Variants in PTPRD observed in about 807,000 individuals in gnomAD.
PTPRD encodes protein tyrosine phosphatase receptor type D.
Under a neutral mutation model 214.5 loss-of-function variants are expected in PTPRD, and 34 were observed. That is an observed-to-expected ratio of 0.16 (90% CI 0.12 to 0.21). The LOEUF is 0.21. PTPRD is among the 10% of genes least tolerant of loss of function. The pLI is 1.00. For missense variants in PTPRD, 2,545 were observed against 2,398.7 expected (o/e 1.06, Z -1.27); for synonymous variants, 1,128 against 845.7 (o/e 1.33, Z -5.79).
At chr9:8,527,452 T>C (rs1425701838) in intron 15 of PTPRD, 99 bp from the exon 16 acceptor site, 6 of 1,006,394 alleles carry the variant, frequency 6.0e-6, no homozygotes, top group Middle Eastern at 3.2e-4. Context: ...CTTTATATAC[T>C]AAATCATCTA....
intron 11 of PTPRD, among the ~76,000 whole-genome samples, chr9:8,995,384 T>C (rs924017929): frequency 2.0e-5 from 3 of 152,088 alleles, no homozygotes; most frequent in Non-Finnish European, 4.4e-5. Flanking sequence ...TCCAAGTTGA[T>C]ATTAAGAATA....
chr9:10,406,499 A>C (rs1004514554), intron 2 of PTPRD, among the ~76,000 whole-genome samples: 1 of 151,534 alleles, frequency 6.6e-6, no homozygotes, highest in Admixed American at 6.6e-5. Context: ...CTGACTTTGG[A>C]AATTAGAAAA....
intron 6 of PTPRD, among the ~76,000 whole-genome samples, chr9:9,742,443 A>G (rs1320975058): frequency 6.6e-6 from 1 of 152,208 alleles, no homozygotes; most frequent in East Asian, 1.9e-4. Flanking sequence ...ATAAATGGTA[A>G]TTTATAGAAA....
At chr9:9,260,463 A>G (rs2099979596) in intron 9 of PTPRD, among the ~76,000 whole-genome samples, 1 of 151,918 alleles carries the variant, frequency 6.6e-6, no homozygotes, top group African/African-American at 2.4e-5. Context: ...GTTTTCGCCA[A>G]TATATGTACA....
chr9:9,281,212 A>C (rs896247658), intron 9 of PTPRD, among the ~76,000 whole-genome samples: 8 of 151,268 alleles, frequency 5.3e-5, no homozygotes, highest in African/African-American at 1.9e-4. Flanking sequence ...ATGGCTTTTT[A>C]TATACATTAA....
intron 8 of PTPRD, among the ~76,000 whole-genome samples, chr9:9,495,831 C>A (rs1003049441): frequency 2.6e-5 from 4 of 152,174 alleles, no homozygotes; most frequent in African/African-American, 9.7e-5. Context: ...GGGCAGCCAC[C>A]CCACGTGATG....
chr9:9,518,533 G>C lies in PTPRD; in HGVS notation c.-237+56199C>G, dbSNP rs866999210. On this transcript the variant is annotated intron_variant, in intron 8 of 45. Transcript: ENST00000381196. ...AGGCATAATAGGGTAGGTCAATGCAGAAATTGATATTCTGGCAATGTAGTT... is the reference window on the plus strand; with the variant it reads ...AGGCATAATAGGGTAGGTCAATGCACAAATTGATATTCTGGCAATGTAGTT... Among the ~76,000 whole-genome samples, 4 of 152,010 alleles carry C rather than the reference G, an allele frequency of 2.6e-5. No individual in the cohort carries two copies. The South Asian group carries it at 6.2e-4, about 24-fold the overall frequency.
chr9:10,136,656 C>T (rs565925802), intron 3 of PTPRD, among the ~76,000 whole-genome samples: 8 of 84,900 alleles, frequency 9.4e-5, no homozygotes, highest in South Asian at 5.7e-4. Flanking sequence ...ACTTCATGTC[C>T]AAAACACCAA....
chr9:9,040,579 AT>A (rs34499487), intron 10 of PTPRD, among the ~76,000 whole-genome samples: 97,312 of 151,614 alleles, frequency 0.64, 31,299 homozygotes, highest in Admixed American at 0.7. Flanking sequence ...TTCCCGAAGA[AT>A]TTTTTTTTTC....
intron 8 of PTPRD, among the ~76,000 whole-genome samples, chr9:9,428,262 C>G (rs2081768289): frequency 6.6e-6 from 1 of 151,904 alleles, no homozygotes; most frequent in Non-Finnish European, 1.5e-5. Context: ...GATTGCAATC[C>G]TAATCTCTGA....
intron 14 of PTPRD, among the ~76,000 whole-genome samples, chr9:8,611,821 G>C (rs1372380058): frequency 6.6e-6 from 1 of 151,030 alleles, no homozygotes; most frequent in Non-Finnish European, 1.5e-5. Context: ...GAGGAGAAGA[G>C]AGGAGGAGAA....
At chr9:9,607,895 A>G (rs1463009367) in intron 7 of PTPRD, among the ~76,000 whole-genome samples, 1 of 152,140 alleles carries the variant, frequency 6.6e-6, no homozygotes, top group Non-Finnish European at 1.5e-5. Context: ...TAGAAAACGC[A>G]CTTGAGCTGT....
At chr9:9,077,877 T>C (rs1009503477) in intron 10 of PTPRD, among the ~76,000 whole-genome samples, 2 of 152,114 alleles carry the variant, frequency 1.3e-5, no homozygotes, top group African/African-American at 4.8e-5. Context: ...TTCTCCTTTC[T>C]CTCAAACTTG....
At chr9:10,289,942 T>C (rs2095481795) in intron 3 of PTPRD, among the ~76,000 whole-genome samples, 1 of 152,260 alleles carries the variant, frequency 6.6e-6, no homozygotes, top group East Asian at 1.9e-4. Context: ...AAAAGGGTTA[T>C]AGTTAAATTT....
chr9:9,556,497 T>A (rs1311249275), intron 8 of PTPRD, among the ~76,000 whole-genome samples: 3 of 152,212 alleles, frequency 2.0e-5, no homozygotes, highest in South Asian at 2.1e-4. Flanking sequence ...CATAAATAGA[T>A]TGTAAATTCC....
chr9:9,220,765 T>C (rs1207316280), intron 9 of PTPRD, among the ~76,000 whole-genome samples: 3 of 152,116 alleles, frequency 2.0e-5, no homozygotes, highest in African/African-American at 7.2e-5. Context: ...GGCAAACCTC[T>C]ATTTCACAAA....
intron 39 of PTPRD, among the ~76,000 whole-genome samples, chr9:8,351,369 G>T (rs1335105116): frequency 6.6e-6 from 1 of 151,452 alleles, no homozygotes; most frequent in Admixed American, 6.6e-5. Context: ...TGGCAGTACA[G>T]ATAAACTTTC....
chr9:8,581,486 C>A (rs879668622), intron 14 of PTPRD, among the ~76,000 whole-genome samples: 22 of 152,266 alleles, frequency 1.4e-4, no homozygotes, highest in Admixed American at 1.4e-3. Context: ...CAGTGGCTCA[C>A]GCCTGTAATC....
chr9:8,508,853 G>C (rs2137623732), intron 21 of PTPRD, among the ~76,000 whole-genome samples: 1 of 150,560 alleles, frequency 6.6e-6, no homozygotes, highest in African/African-American at 2.5e-5. Flanking sequence ...TATTCCTCTG[G>C]TAAGTCAGCC....
Sources: gnomAD v4.1 joint callset for allele counts (sites outside exome capture counted in the v4.1 genomes callset) on GRCh38, gnomAD v4.1.1 for gene constraint, MANE v1.5 for transcripts, NCBI Gene and HGNC (gene_info 2026-07-23, HGNC 2026-07-21) for gene names.